Variants in MCCC1 observed in about 807,000 individuals in gnomAD.
MCCC1 encodes methylcrotonoyl-CoA carboxylase subunit alpha, mitochondrial.
A neutral mutation model predicts 83.8 loss-of-function variants in MCCC1; 64 were observed. The ratio of observed to expected loss-of-function variants is 0.76; its 90% CI spans 0.62 to 0.94. The LOEUF (loss-of-function observed/expected upper bound fraction) is 0.94. Ranked by LOEUF, MCCC1 falls within the 40% of genes least tolerant of loss-of-function variation. The pLI is 0.00. For synonymous variants in MCCC1, 322 were observed against 315.4 expected (o/e 1.02, Z -0.22); for missense variants, 807 against 904.7 (o/e 0.89, Z 1.39).
Position 183,094,645 on chromosome 3 carries a change from T to G in MCCC1, c.90-40A>C, listed in dbSNP as rs866897210. ...CAAAAGGAATTACAATTAAACAGAA[T>G]AGGCAACACAATTGTTCTTTCAAAA... On this transcript the variant is annotated intron_variant, in intron 1 of 18. Coordinates refer to ENST00000265594, the MANE Select transcript of MCCC1 (RefSeq NM_020166.5). 20 of 1,575,032 alleles carry G rather than the reference T, an allele frequency of 1.3e-5. No individual in the cohort carries two copies. In the Middle Eastern group the frequency reaches 3.3e-3, roughly 263 times the overall value.
At chr3:183,073,243 T>C (rs1716829430) in intron 4 of MCCC1, among the ~76,000 whole-genome samples, 1 of 152,132 alleles carries the variant, frequency 6.6e-6, no homozygotes, top group South Asian at 2.1e-4. Flanking sequence ...TATACTTAAA[T>C]TTAAAATAAT....
chr3:183,036,228 T>C (rs1713576373), intron 13 of MCCC1, among the ~76,000 whole-genome samples: 1 of 152,000 alleles, frequency 6.6e-6, no homozygotes, highest in Non-Finnish European at 1.5e-5. Flanking sequence ...TGCATATGTG[T>C]GGTAGCCAGG....
At chr3:183,018,974 T>G (rs1711922812) in intron 17 of MCCC1, among the ~76,000 whole-genome samples, 1 of 152,244 alleles carries the variant, frequency 6.6e-6, no homozygotes, top group Admixed American at 6.5e-5. Flanking sequence ...TTAACATGGC[T>G]ACTAAGTGGG....
At chr3:183,114,217 A>T (rs1350883389) in intron 1 of MCCC1, among the ~76,000 whole-genome samples, 1 of 152,172 alleles carries the variant, frequency 6.6e-6, no homozygotes, top group African/African-American at 2.4e-5. Flanking sequence ...CTGCACCTGG[A>T]ACTGTTTACT....
chr3:183,017,391 G>C (rs1007236757), intron 17 of MCCC1, 54 bp from the exon 18 acceptor site: 1 of 1,524,300 alleles, frequency 6.6e-7, no homozygotes, highest in African/African-American at 1.4e-5. Context: ...TCCTAGATAT[G>C]TTCATCTGCT....
chr3:183,017,168 T>TA (rs1711708478), intron 18 of MCCC1, 98 bp downstream of exon 18: 2 of 1,042,244 alleles, frequency 1.9e-6, no homozygotes, highest in Admixed American at 3.4e-5. Context: ...TGGCTTTTCA[T>TA]ATTTAAGGTG....
chr3:183,025,435 C>CAA (rs751987050), intron 15 of MCCC1, among the ~76,000 whole-genome samples: 18 of 152,090 alleles, frequency 1.2e-4, no homozygotes, highest in South Asian at 6.2e-4. Context: ...GTTCCTGAGA[C>CAA]AAAAAATGTG....
At chr3:183,084,094 T>C (rs937135555) in intron 4 of MCCC1, among the ~76,000 whole-genome samples, 1 of 152,264 alleles carries the variant, frequency 6.6e-6, no homozygotes. Context: ...TATTCAGAGA[T>C]GGGGTCTTGC....
chr3:183,054,377 C>T (rs938456511), intron 8 of MCCC1, among the ~76,000 whole-genome samples: 76 of 151,486 alleles, frequency 5.0e-4, no homozygotes, highest in African/African-American at 1.6e-3. Flanking sequence ...TTAGTAGAGA[C>T]GGGGTTTCAC....
chr3:183,048,894 T>C (rs1321469608), intron 9 of MCCC1, among the ~76,000 whole-genome samples: 3 of 152,202 alleles, frequency 2.0e-5, no homozygotes, highest in Admixed American at 6.5e-5. Context: ...ATCATAACAG[T>C]GTCTGCTCTC....
upstream of MCCC1, chr3:183,099,668 T>TGG (rs141274667): frequency 8.2e-6 from 5 of 610,058 alleles, no homozygotes; most frequent in African/African-American, 7.4e-5. Context: ...CACGTGCTCG[T>TGG]GGGGGTGTGG....
upstream of MCCC1, among the ~76,000 whole-genome samples, chr3:183,101,692 G>A (rs1719307820): frequency 6.6e-6 from 1 of 152,170 alleles, no homozygotes; most frequent in Admixed American, 6.5e-5. Flanking sequence ...ACCAGCATTG[G>A]CAACCTGCTC....
In MCCC1 at chr3:183,041,870, A is replaced by C; in HGVS notation, c.1084-120T>G. The C allele has an allele frequency of 2.7e-6, 3 of 1,104,022 alleles. No individual in the cohort carries two copies. In the South Asian group the frequency reaches 3.9e-5, roughly 14 times the overall value. The allele number at this position is 1,104,022 out of a possible 1,614,324, so 68.4% of individuals were successfully genotyped here. The stretch of plus-strand genomic sequence containing the variant: ...ACATTTAGGTTTTGCAATGCAGCCA[A>C]ATAAAAACTATTATTTTGTCTACTC... On this transcript the variant is annotated intron_variant, in intron 10 of 18. Coordinates refer to ENST00000265594, the MANE Select transcript of MCCC1 (RefSeq NM_020166.5).
At chr3:183,036,596 G>C (rs903693561) in intron 13 of MCCC1, among the ~76,000 whole-genome samples, 1 of 144,778 alleles carries the variant, frequency 6.9e-6, no homozygotes, top group Non-Finnish European at 1.5e-5. Context: ...CTGGAGTGCA[G>C]TGGCGCGATC....
At chr3:183,057,661 T>A (rs191646691) in intron 7 of MCCC1, among the ~76,000 whole-genome samples, 214 of 152,260 alleles carry the variant, frequency 1.4e-3, no homozygotes, top group African/African-American at 5.0e-3. Flanking sequence ...GCAGAATGCT[T>A]GAGCCCAGGA....
chr3:183,093,625 A>G (rs180763792), intron 2 of MCCC1, among the ~76,000 whole-genome samples: 1 of 152,310 alleles, frequency 6.6e-6, no homozygotes, highest in African/African-American at 2.4e-5. Flanking sequence ...CTTCAATAGA[A>G]TCCATAGGCT....
chr3:183,063,183 CTG>C (rs1715980782), intron 7 of MCCC1, among the ~76,000 whole-genome samples: 1 of 19,446 alleles, frequency 5.1e-5, no homozygotes, highest in Admixed American at 6.6e-4. Context: ...CGGGGTTTCA[CTG>C]TGTTAGCCAG....
chr3:183,024,816 G>A (rs1348162958), intron 15 of MCCC1, among the ~76,000 whole-genome samples: 2 of 151,796 alleles, frequency 1.3e-5, no homozygotes, highest in African/African-American at 4.8e-5. Context: ...CAAAAAACAG[G>A]GTCTTAAAGA....
At chr3:183,062,222 C>T (rs1275772883) in intron 7 of MCCC1, among the ~76,000 whole-genome samples, 1 of 152,176 alleles carries the variant, frequency 6.6e-6, no homozygotes, top group African/African-American at 2.4e-5. Flanking sequence ...CCACTTCTGA[C>T]TCTCCCTCAT....
Sources: allele counts gnomAD v4.1 joint callset (sites outside exome capture counted in the v4.1 genomes callset), GRCh38; gene constraint gnomAD v4.1.1; transcripts MANE v1.5; gene names NCBI Gene and HGNC (gene_info 2026-07-23, HGNC 2026-07-21).